The following SLC6A17 variants were observed in gnomAD, a reference collection of about 807,000 sequenced individuals.
SLC6A17 encodes solute carrier family 6 member 17.
A neutral mutation model predicts 64.5 loss-of-function variants in SLC6A17; 21 were observed. The ratio of observed to expected loss-of-function variants is 0.33; its 90% confidence interval spans 0.23 to 0.47. The LOEUF is 0.47. SLC6A17 is among the 20% of genes least tolerant of loss of function. SLC6A17 has a pLI of 1.00. For synonymous variants in SLC6A17, 372 were observed against 399.5 expected (o/e 0.93, Z 0.82); for missense variants, 682 against 963.2 (o/e 0.71, Z 3.86).
At chr1:110,189,708 C>T (rs1656777455) in intron 6 of SLC6A17, among the ~76,000 whole-genome samples, 2 of 152,176 alleles carry the variant, frequency 1.3e-5, no homozygotes, top group Admixed American at 1.3e-4. Flanking sequence ...GCTTCAGCCA[C>T]CCTGGCACCT....
Position 110,199,728 on chromosome 1 carries a change from C to G in SLC6A17, c.*1284C>G. 1 of 377,858 alleles carries G rather than the reference C, an allele frequency of 2.6e-6. No individual in the cohort carries two copies. Among genetic ancestry groups the G allele is most frequent in the East Asian group, 3.8e-5 (1 of 26,376 alleles). 23.4% of individuals were successfully genotyped at this position (377,858 alleles called of 1,614,324 possible). ...GGCCAGCCTGTGCAGAAGGCTGCAG[C>G]TGACAACAGCGACCCCACCTGCCAT... is the stretch of plus-strand genomic sequence containing the variant. On this transcript the variant is annotated 3_prime_UTR_variant, in exon 12 of 12. Coordinates refer to ENST00000331565, the MANE Select transcript of SLC6A17 (RefSeq NM_001010898.4).
intron 1 of SLC6A17, among the ~76,000 whole-genome samples, chr1:110,152,866 A>G (rs1200110398): frequency 2.0e-5 from 3 of 152,220 alleles, no homozygotes; most frequent in African/African-American, 7.2e-5. Flanking sequence ...GGCCTTAACC[A>G]GAGGCAATTC....
chr1:110,158,117 T>G (rs1160722527), intron 1 of SLC6A17, among the ~76,000 whole-genome samples: 1 of 152,184 alleles, frequency 6.6e-6, no homozygotes, highest in Non-Finnish European at 1.5e-5. Flanking sequence ...TAGAAATAAA[T>G]CCAATGGAGC....
At chr1:110,197,108 G>C (rs1343769932) in intron 10 of SLC6A17, among the ~76,000 whole-genome samples, 1 of 152,180 alleles carries the variant, frequency 6.6e-6, no homozygotes, top group Non-Finnish European at 1.5e-5. Flanking sequence ...CCTTCAGCCA[G>C]GCCAGTGTGA....
intron 1 of SLC6A17, among the ~76,000 whole-genome samples, chr1:110,154,999 G>A (rs999330832): frequency 1.3e-5 from 2 of 151,996 alleles, no homozygotes; most frequent in Non-Finnish European, 1.5e-5. Context: ...GGCCGTTCTG[G>A]GAAACATGGC....
At chr1:110,168,321 C>T (rs1266602680) in intron 2 of SLC6A17, 1 of 152,166 alleles carries the variant, frequency 6.6e-6, no homozygotes, top group Non-Finnish European at 1.5e-5. Context: ...AAGACGCAGT[C>T]CCCTCCTCTC....
intron 1 of SLC6A17, 31 bp from the exon 2 acceptor site, chr1:110,166,812 A>T (rs923707287): frequency 2.6e-5 from 35 of 1,350,082 alleles, no homozygotes; most frequent in Non-Finnish European, 3.4e-5. Flanking sequence ...GTGTGGTCAG[A>T]TAATCCTTTA....
At chr1:110,160,825 T>G (rs1655886303) in intron 1 of SLC6A17, among the ~76,000 whole-genome samples, 1 of 152,152 alleles carries the variant, frequency 6.6e-6, no homozygotes, top group Admixed American at 6.5e-5. Flanking sequence ...GGCCTTGGGC[T>G]CCCTTCAGTA....
rs1557835400 is a variant in SLC6A17, at chr1:110,176,637, T to G, written c.762T>G (p.Tyr254Ter). The change falls in exon 6 of 12, where the codon TAT becomes TAG. Residue 254 changes from tyrosine (Y) to a stop codon, truncating the protein, a stop_gained. Transcript: ENST00000331565. LOFTEE classifies it high-confidence loss of function. ...KGIQSSGKVM[Y>*]FSSLFPYVVL... ...CCCTGTCCTCTCTGCAGGTGATGTA[T>G]TTCAGCTCCCTCTTCCCCTACGTGG... is the stretch of plus-strand genomic sequence containing the variant. 6.2e-7 allele frequency: 1 copy of G among 1,613,928 alleles called. No individual in the cohort carries two copies.
At chr1:110,195,996 T>C (rs1656957109) in intron 10 of SLC6A17, among the ~76,000 whole-genome samples, 1 of 152,200 alleles carries the variant, frequency 6.6e-6, no homozygotes, top group African/African-American at 2.4e-5. Context: ...ACAGCACCTT[T>C]CCTGGGTACC....
chr1:110,201,023 A>T lies in SLC6A17; in HGVS notation c.*2579A>T, dbSNP rs1213956299. ...TTGCCTTCACACCACTGGGTTTGCC[A>T]GAAACAGGGAAGGAGGGCGTTAAGG... On this transcript the variant is annotated 3_prime_UTR_variant, in exon 12 of 12. Transcript: ENST00000331565. The T allele has an allele frequency of 1.3e-5, 2 of 152,140 alleles. No homozygotes were observed. Among genetic ancestry groups the T allele is most frequent in the Non-Finnish European group, 2.9e-5 (2 of 68,006 alleles). 9.4% of individuals were successfully genotyped at this position (152,140 alleles called of 1,614,324 possible). A position where few individuals can be genotyped will look rare whatever the true frequency, so the allele number is the denominator to read the frequency against.
chr1:110,170,668 T>TG (rs1490848899), intron 2 of SLC6A17, among the ~76,000 whole-genome samples: 7 of 152,208 alleles, frequency 4.6e-5, no homozygotes, highest in Non-Finnish European at 7.3e-5. Context: ...AGCACCATGA[T>TG]GGGGCTGCTT....
At position 110,199,013 on chromosome 1, in the gene SLC6A17, G is replaced by A. The variant is rs1282551901; in HGVS notation, c.*569G>A. ...CAGGGCTCAGGGCTCAGACTTGGGA[G>A]GGCCTAGGCAGAAGCCCCAAGTTCT... On this transcript the variant is annotated 3_prime_UTR_variant, in exon 12 of 12. Transcript: ENST00000331565. The A allele has an allele frequency of 6.5e-6, 1 of 153,182 alleles. No homozygotes were observed. The allele number at this position is 153,182 out of a possible 1,614,324, so 9.5% of individuals were successfully genotyped here.
At chr1:110,184,177 C>A (rs1004663954) in intron 6 of SLC6A17, among the ~76,000 whole-genome samples, 1 of 152,160 alleles carries the variant, frequency 6.6e-6, no homozygotes, top group Admixed American at 6.5e-5. Context: ...GTGGCGTGAT[C>A]TTGGCTCACT....
At chr1:110,194,363 C>T (rs1352815387) in intron 8 of SLC6A17, among the ~76,000 whole-genome samples, 5 of 152,344 alleles carry the variant, frequency 3.3e-5, no homozygotes, top group Admixed American at 1.3e-4. Context: ...CACAGGTGAA[C>T]TCCCAAGTTG....
chr1:110,197,545 C>A lies in SLC6A17; in HGVS notation c.1761C>A (p.Ser587Arg). The A allele has an allele frequency of 6.2e-7, 1 of 1,613,028 alleles. No homozygotes were observed. Among genetic ancestry groups the A allele is most frequent in the Non-Finnish European group, 8.5e-7 (1 of 1,179,540 alleles). ...PLCMAVLTTA[S>R]IIQLGVTPPG... ...GCATGGCTGTGCTCACCACAGCCAG[C>A]ATCATCCAGCTGGGGGTCACGCCCC... Residue 587 changes from serine to arginine, a missense_variant, in exon 11 of 12, where the codon AGC (serine) becomes AGA (arginine). Coordinates refer to ENST00000331565, the MANE Select transcript of SLC6A17 (RefSeq NM_001010898.4).
At chr1:110,165,864 G>T (rs1165441186) in intron 1 of SLC6A17, among the ~76,000 whole-genome samples, 3 of 152,220 alleles carry the variant, frequency 2.0e-5, no homozygotes, top group Non-Finnish European at 2.9e-5. Flanking sequence ...GCTGGGGTGT[G>T]TGTGTTTAAT....
In SLC6A17 at chr1:110,201,407, G is replaced by A. The variant is rs1657124274; in HGVS notation, c.*2963G>A. ...CTGGCTTTGGTGCTGTCCACACAGT[G>A]CCCACCAGAAGGCAGAGGGAACTCC... On this transcript the variant is annotated 3_prime_UTR_variant, in exon 12 of 12. Transcript: ENST00000331565. 1 of 152,144 alleles carries A rather than the reference G, an allele frequency of 6.6e-6. No homozygotes were observed. 9.4% of individuals were successfully genotyped at this position (152,144 alleles called of 1,614,324 possible). A position where few individuals can be genotyped will look rare whatever the true frequency, so the allele number is the denominator to read the frequency against.
At chr1:110,152,926 G>A (rs551079355) in intron 1 of SLC6A17, among the ~76,000 whole-genome samples, 24 of 152,330 alleles carry the variant, frequency 1.6e-4, no homozygotes, top group African/African-American at 5.8e-4. Context: ...GGGGACACAT[G>A]AAGGTTCGGT....
Sources: gnomAD v4.1 joint callset for allele counts (sites outside exome capture counted in the v4.1 genomes callset) on GRCh38, gnomAD v4.1.1 for gene constraint, MANE v1.5 for transcripts, NCBI Gene and HGNC (gene_info 2026-07-23, HGNC 2026-07-21) for gene names.